The following PCDH17 variants were observed in gnomAD, a reference collection of about 807,000 sequenced individuals.
PCDH17 encodes protocadherin-17.
PCDH17 carries 21 observed loss-of-function variants against 67.7 expected under a neutral mutation model. The observed-to-expected ratio is 0.31, with a 90% CI of 0.22 to 0.45. PCDH17 has a LOEUF of 0.45. PCDH17 is among the 20% of genes least tolerant of loss of function. PCDH17 has a pLI of 1.00. For missense variants in PCDH17, 1,471 were observed against 1,564.8 expected (o/e 0.94, Z 1.01); for synonymous variants, 701 against 656.7 (o/e 1.07, Z -1.03).
At chr13:57,714,836 G>T (rs958667762) in intron 3 of PCDH17, among the ~76,000 whole-genome samples, 2 of 151,608 alleles carry the variant, frequency 1.3e-5, no homozygotes, top group Non-Finnish European at 3.0e-5. Context: ...TGTCTCATTC[G>T]ACACGGCAAT....
chr13:57,693,861 T>C (rs149639434), intron 3 of PCDH17, among the ~76,000 whole-genome samples: 2 of 151,310 alleles, frequency 1.3e-5, no homozygotes, highest in East Asian at 3.9e-4. Flanking sequence ...GATTTCATCT[T>C]TCTATATAAG....
Position 57,634,838 on chromosome 13 carries a change from A to G in PCDH17, c.2292A>G (p.Lys764=). 6.2e-7 allele frequency: 1 copy of G among 1,614,054 alleles called. No homozygotes were observed. The highest frequency in any genetic ancestry group is 8.5e-7 in the Non-Finnish European group (1 of 1,180,010). The change falls in exon 1 of 4, where the codon AAA becomes AAG. Residue 764 remains lysine, a synonymous_variant. Coordinates refer to ENST00000377918, the MANE Select transcript of PCDH17 (RefSeq NM_001040429.3). This position sits in a 1 kb window ranked among gnomAD's most constrained non-coding sequence, Gnocchi z 7.8. Reference sequence around the variant, plus strand: ...AGGGCAAGAAGAAGAAGATCAACAAAAATGATATCATGCTGGTGCAGAGCG... The same window carrying G: ...AGGGCAAGAAGAAGAAGATCAACAAGAATGATATCATGCTGGTGCAGAGCG... ...GGKGKKKKIN[K]NDIMLVQSEV...
intron 3 of PCDH17, among the ~76,000 whole-genome samples, chr13:57,670,926 T>G (rs1955312014): frequency 6.6e-6 from 1 of 151,972 alleles, no homozygotes. Context: ...ATTCAGCAGC[T>G]AATTGAAGGT....
intron 3 of PCDH17, among the ~76,000 whole-genome samples, chr13:57,687,192 A>T (rs989803830): frequency 1.3e-5 from 2 of 152,070 alleles, no homozygotes; most frequent in Non-Finnish European, 2.9e-5. Flanking sequence ...TTCATTATTA[A>T]AAACAACTTT....
At chr13:57,698,184 A>G (rs1363115806) in intron 3 of PCDH17, among the ~76,000 whole-genome samples, 3 of 151,530 alleles carry the variant, frequency 2.0e-5, no homozygotes, top group Non-Finnish European at 4.4e-5. Context: ...TGATTCATTT[A>G]TATACATAAA....
intron 3 of PCDH17, among the ~76,000 whole-genome samples, chr13:57,698,387 G>T (rs1955631283): frequency 6.6e-6 from 1 of 151,596 alleles, no homozygotes; most frequent in Non-Finnish European, 1.5e-5. Flanking sequence ...GAAAATTGAG[G>T]CTAGAAAGTT....
chr13:57,699,289 A>G (rs1044468943), intron 3 of PCDH17, among the ~76,000 whole-genome samples: 2 of 152,004 alleles, frequency 1.3e-5, no homozygotes, highest in South Asian at 2.1e-4. Flanking sequence ...CTTTGTTTTT[A>G]TATCCCCAAA....
At chr13:57,651,211 T>C (rs1203463230) in intron 1 of PCDH17, among the ~76,000 whole-genome samples, 1 of 152,188 alleles carries the variant, frequency 6.6e-6, no homozygotes, top group African/African-American at 2.4e-5. Flanking sequence ...CTTAAAATTG[T>C]ATAAATTTCA....
rs771158556 is a variant in PCDH17 at position 57,634,619 on chromosome 13, G to A, written c.2073G>A (p.Gly691=). ...IRSVSGSLPE[G]VPRVNGEQHH... ...CGGTGAGCGGATCCCTTCCCGAGGG[G>A]GTACCACGGGTGAATGGCGAGCAGC... is the stretch of plus-strand genomic sequence containing the variant. The change falls in exon 1 of 4, where the codon GGG becomes GGA. Residue 691 remains glycine (G), a synonymous_variant. Coordinates refer to ENST00000377918, the MANE Select transcript of PCDH17 (RefSeq NM_001040429.3). The surrounding 1 kb of genome is among the most constrained non-coding windows in gnomAD (Gnocchi z 7.8). 29 of 1,613,272 alleles carry A rather than the reference G, an allele frequency of 1.8e-5. No homozygotes were observed. In the South Asian group the frequency reaches 2.7e-4, roughly 15 times the overall value.
At chr13:57,688,455 A>C (rs1262040983) in intron 3 of PCDH17, among the ~76,000 whole-genome samples, 1 of 152,076 alleles carries the variant, frequency 6.6e-6, no homozygotes, top group African/African-American at 2.4e-5. Context: ...AATTTAAAAA[A>C]TTTTATTAGA....
intron 3 of PCDH17, among the ~76,000 whole-genome samples, chr13:57,700,550 C>T (rs1187210963): frequency 1.3e-5 from 2 of 151,984 alleles, no homozygotes; most frequent in South Asian, 4.1e-4. Flanking sequence ...ATCTCTTGAC[C>T]AACTACACAA....
Position 57,728,939 on chromosome 13 carries a change from G to A in PCDH17, c.*3645G>A, listed in dbSNP as rs1001666940. 3.3e-5 allele frequency: 5 copies of A among 152,398 alleles called. No individual in the cohort carries two copies. The highest frequency in any genetic ancestry group is 4.8e-5 in the African/African-American group (2 of 41,454). The allele number at this position is 152,398 out of a possible 1,614,324, so 9.4% of individuals were successfully genotyped here. On this transcript the variant is annotated 3_prime_UTR_variant, in exon 4 of 4. Coordinates refer to ENST00000377918, the MANE Select transcript of PCDH17 (RefSeq NM_001040429.3). ...AGAGTAAAAGTTACTGAGGTCAACA[G>A]ATAGACAGGTCTGGCATAATATATG...
intron 3 of PCDH17, among the ~76,000 whole-genome samples, chr13:57,671,352 A>G (rs556154507): frequency 7.2e-5 from 11 of 151,944 alleles, no homozygotes; most frequent in East Asian, 1.9e-4. Context: ...TTGGAAGAAG[A>G]TAAACTGATT....
chr13:57,686,940 T>G lies in PCDH17; in HGVS notation c.2797+20107T>G, dbSNP rs181909881. On this transcript the variant is annotated intron_variant, in intron 3 of 3. Coordinates refer to ENST00000377918, the MANE Select transcript of PCDH17 (RefSeq NM_001040429.3). Reference sequence around the variant, plus strand: ...AAATCTTTTTGTTATGACTATTGTGTTTTATTTGAAATTCCAGCATTTTCT... The same window carrying G: ...AAATCTTTTTGTTATGACTATTGTGGTTTATTTGAAATTCCAGCATTTTCT... Among the ~76,000 whole-genome samples, 193 of 152,118 alleles carry G rather than the reference T, an allele frequency of 1.3e-3. 1 individual carries two copies. Among genetic ancestry groups the G allele is most frequent in the Non-Finnish European group, 4.9e-4 (33 of 67,950 alleles).
chr13:57,720,068 A>G (rs1014544497), intron 3 of PCDH17, among the ~76,000 whole-genome samples: 3 of 152,012 alleles, frequency 2.0e-5, no homozygotes, highest in African/African-American at 7.2e-5. Flanking sequence ...GTTTTTATCT[A>G]AGTATTTTTT....
At chr13:57,712,058 C>A (rs904948791) in intron 3 of PCDH17, among the ~76,000 whole-genome samples, 4 of 151,372 alleles carry the variant, frequency 2.6e-5, no homozygotes, top group Non-Finnish European at 4.4e-5. Context: ...ATAATTTTTC[C>A]ATTTTATAAT....
chr13:57,681,373 C>T (rs1166055060), intron 3 of PCDH17, among the ~76,000 whole-genome samples: 1 of 151,770 alleles, frequency 6.6e-6, no homozygotes, highest in African/African-American at 2.4e-5. Context: ...GAGAGTACTT[C>T]AGCACCACCT....
At chr13:57,720,004 T>C (rs1955859530) in intron 3 of PCDH17, among the ~76,000 whole-genome samples, 1 of 152,038 alleles carries the variant, frequency 6.6e-6, no homozygotes, top group Non-Finnish European at 1.5e-5. Flanking sequence ...TTAAATTATA[T>C]AACATTTGTG....
At chr13:57,644,073 A>C (rs1954936303) in intron 1 of PCDH17, among the ~76,000 whole-genome samples, 3 of 151,774 alleles carry the variant, frequency 2.0e-5, no homozygotes, top group Admixed American at 6.6e-5. Flanking sequence ...TTTAATATCA[A>C]TGCATACCTT....
Sources: gnomAD v4.1 joint callset for allele counts (sites outside exome capture counted in the v4.1 genomes callset) on GRCh38, gnomAD v4.1.1 for gene constraint, Gnocchi (gnomAD v3.1) non-coding constraint, MANE v1.5 for transcripts, NCBI Gene and HGNC (gene_info 2026-07-23, HGNC 2026-07-21) for gene names.